SCO1: variants seen among roughly 807,000 people sequenced by gnomAD.
SCO1 encodes the protein synthesis of cytochrome C oxidase 1.
Under a neutral mutation model 34.0 loss-of-function variants are expected in SCO1, and 23 were observed. The ratio of observed to expected loss-of-function variants is 0.68; its 90% CI spans 0.49 to 0.96. The LOEUF (loss-of-function observed/expected upper bound fraction) is 0.96. SCO1 is among the 40% of genes least tolerant of loss of function. The pLI is 0.00. For synonymous variants in SCO1, 161 were observed against 145.5 expected, an observed-to-expected ratio of 1.11 and a Z score of -0.77; for missense variants, 404 against 381.6, an observed-to-expected ratio of 1.06 and a Z score of -0.49.
chr17:10,677,767 T>C lies in SCO1; in HGVS notation c.*3352A>G, dbSNP rs1001388907. On this transcript the variant is annotated 3_prime_UTR_variant, in exon 6 of 6. Coordinates refer to ENST00000255390, the MANE Select transcript of SCO1 (RefSeq NM_004589.4). ...AAAATATTAATTCTATTGAAGAGTC[T>C]AGTGAAAACACTGTAACCCACCCAG... is the stretch of plus-strand genomic sequence containing the variant. The C allele has an allele frequency of 5.9e-5, 9 of 152,346 alleles. No homozygotes were observed. The East Asian group carries it at 1.7e-3, about 29-fold the overall frequency. 9.4% of individuals were successfully genotyped at this position (152,346 alleles called of 1,614,324 possible).
chr17:10,694,949 CAA>C (rs928209073), intron 2 of SCO1, among the ~76,000 whole-genome samples: 4 of 152,130 alleles, frequency 2.6e-5, no homozygotes, highest in African/African-American at 4.8e-5. Context: ...ATAATGTTAT[CAA>C]AAGAGACTCC....
chr17:10,682,083 CTTAGA>C (rs1406829154), intron 5 of SCO1, among the ~76,000 whole-genome samples: 1 of 152,136 alleles, frequency 6.6e-6, no homozygotes, highest in African/African-American at 2.4e-5. Flanking sequence ...CTAACTTTAA[CTTAGA>C]TTAGTCATCA....
Position 10,691,915 on chromosome 17 carries a change from G to A in SCO1, c.612C>T (p.Asp204=). Residue 204 remains aspartate, a synonymous_variant, in exon 4 of 6, where the codon GAC becomes GAT. Coordinates refer to ENST00000255390, the MANE Select transcript of SCO1 (RefSeq NM_004589.4). ...TGGCTTCTTTTGTGTCCCTCTCTGGGTCAATGCTGATGAAAAGTGGAGTTA... is the reference window on the plus strand; with the variant it reads ...TGGCTTCTTTTGTGTCCCTCTCTGGATCAATGCTGATGAAAAGTGGAGTTA... ...PDLTPLFISI[D]PERDTKEAIA... is the part of the protein sequence containing the mutation. The A allele has an allele frequency of 1.9e-6, 3 of 1,613,524 alleles. No homozygotes were observed. Among genetic ancestry groups the A allele is most frequent in the East Asian group, 2.2e-5 (1 of 44,874 alleles).
chr17:10,686,475 G>A (rs1346312214), intron 5 of SCO1, among the ~76,000 whole-genome samples: 2 of 151,258 alleles, frequency 1.3e-5, no homozygotes, highest in African/African-American at 2.4e-5. Context: ...CCAGCTACTC[G>A]GGAGGCTGAC....
intron 2 of SCO1, among the ~76,000 whole-genome samples, chr17:10,694,845 A>C (rs2074712085): frequency 6.6e-6 from 1 of 152,134 alleles, no homozygotes; most frequent in Admixed American, 6.5e-5. Flanking sequence ...TATTATGCCA[A>C]AGAGTCTCAT....
chr17:10,692,724 G>A (rs763958926), intron 3 of SCO1, 40 bp downstream of exon 3: 1 of 1,513,858 alleles, frequency 6.6e-7, no homozygotes, highest in Non-Finnish European at 9.2e-7. Flanking sequence ...GTAACATGAA[G>A]TAAACATATA....
chr17:10,676,455 G>C lies in SCO1; in HGVS notation c.*4664C>G, dbSNP rs1425018409. ...AGAGGCACATGCTGGGAATGGGCTG[G>C]GGTGGCAGTGGGTGGGGGGGTGCAG... is the stretch of plus-strand genomic sequence containing the variant. On this transcript the variant is annotated 3_prime_UTR_variant, in exon 6 of 6. Coordinates refer to ENST00000255390, the MANE Select transcript of SCO1 (RefSeq NM_004589.4). The C allele has an allele frequency of 1.3e-5, 2 of 152,298 alleles. No homozygotes were observed. The highest frequency in any genetic ancestry group is 3.9e-4 in the East Asian group (2 of 5,176). The allele number at this position is 152,298 out of a possible 1,614,324, so 9.4% of individuals were successfully genotyped here. A position where few individuals can be genotyped will look rare whatever the true frequency, so the allele number is the denominator to read the frequency against.
In SCO1 at chr17:10,692,091, C is replaced by T. The variant is rs111819367; in HGVS notation, c.563-127G>A. 1.5e-4 allele frequency: 111 copies of T among 723,584 alleles called. No individual in the cohort carries two copies. In the African/African-American group the frequency reaches 1.6e-3, roughly 10 times the overall value. The allele number at this position is 723,584 out of a possible 1,614,324, so 44.8% of individuals were successfully genotyped here. On this transcript the variant is annotated intron_variant, in intron 3 of 5. Coordinates refer to ENST00000255390, the MANE Select transcript of SCO1 (RefSeq NM_004589.4). ...TTTTGAAAGCAGATGGACATCTTAACATTCAGGTGAAGAGGAAGAGGACGG... is the reference window on the plus strand; with the variant it reads ...TTTTGAAAGCAGATGGACATCTTAATATTCAGGTGAAGAGGAAGAGGACGG...
At chr17:10,694,468 A>T (rs1332127815) in intron 2 of SCO1, among the ~76,000 whole-genome samples, 1 of 152,168 alleles carries the variant, frequency 6.6e-6, no homozygotes, top group Middle Eastern at 3.2e-3. Context: ...TACCCTGAAG[A>T]TTATCTGAAC....
intron 4 of SCO1, 52 bp from the exon 5 acceptor site, chr17:10,686,894 C>A (rs766248093): frequency 8.6e-7 from 1 of 1,161,338 alleles, no homozygotes; most frequent in Non-Finnish European, 1.3e-6. Flanking sequence ...GTAAAACAAC[C>A]ATCTCTACTT....
At chr17:10,696,778 G>C (rs1322952626) in intron 1 of SCO1, among the ~76,000 whole-genome samples, 2 of 149,648 alleles carry the variant, frequency 1.3e-5, no homozygotes, top group African/African-American at 4.9e-5. Context: ...ATTAGAACTC[G>C]AGAGAACCCC....
Position 10,691,908 on chromosome 17 carries a change from T to C in SCO1, c.619A>G (p.Arg207Gly). 1.2e-6 allele frequency: 2 copies of C among 1,613,516 alleles called. No individual in the cohort carries two copies. Among genetic ancestry groups the C allele is most frequent in the Middle Eastern group, 1.6e-4 (1 of 6,062 alleles). ...TPLFISIDPE[R>G]DTKEAIANYV... The stretch of plus-strand genomic sequence containing the variant: ...TTTGCGATGGCTTCTTTTGTGTCCC[T>C]CTCTGGGTCAATGCTGATGAAAAGT... Residue 207 changes from arginine (R) to glycine (G), a missense_variant, in exon 4 of 6, where the codon AGG becomes GGG. Coordinates refer to ENST00000255390, the MANE Select transcript of SCO1 (RefSeq NM_004589.4).
rs2074692983 is a variant in SCO1 at position 10,691,981 on chromosome 17, A to G, written c.563-17T>C. On this transcript the variant is annotated splice_polypyrimidine_tract_variant and intron_variant, in intron 3 of 5. Coordinates refer to ENST00000255390, the MANE Select transcript of SCO1 (RefSeq NM_004589.4). The stretch of plus-strand genomic sequence containing the variant: ...TAATGCTATCTGAAAGAGAGTTCCA[A>G]TTAGTCCGTATTCACACCCTAAGGG... 3 of 1,534,536 alleles carry G rather than the reference A, an allele frequency of 2.0e-6. No homozygotes were observed. Among genetic ancestry groups the G allele is most frequent in the Non-Finnish European group, 2.7e-6 (3 of 1,108,004 alleles).
Position 10,677,893 on chromosome 17 carries a change from A to T in SCO1, c.*3226T>A, listed in dbSNP as rs1225808934. On this transcript the variant is annotated 3_prime_UTR_variant, in exon 6 of 6. Transcript: ENST00000255390. ...GCACTTTGGGAGGCCGAGGCGGCGG[A>T]TCACCTGAGGTCGGGAGTTTGAGAC... The T allele has an allele frequency of 6.6e-6, 1 of 152,284 alleles. No individual in the cohort carries two copies. The highest frequency in any genetic ancestry group is 1.9e-4 in the East Asian group (1 of 5,190). The allele number at this position is 152,284 out of a possible 1,614,324, so 9.4% of individuals were successfully genotyped here.
chr17:10,674,430 A>C lies in SCO1; in HGVS notation c.*6689T>G, dbSNP rs1235080963. 1 of 275,282 alleles carries C rather than the reference A, an allele frequency of 3.6e-6. No individual in the cohort carries two copies. The highest frequency in any genetic ancestry group is 1.4e-4 in the East Asian group (1 of 7,232). The allele number at this position is 275,282 out of a possible 1,614,324, so 17.1% of individuals were successfully genotyped here. A position where few individuals can be genotyped will look rare whatever the true frequency, so the allele number is the denominator to read the frequency against. On this transcript the variant is annotated 3_prime_UTR_variant, in exon 6 of 6. Transcript: ENST00000255390. ...AACAAGAGCGAAACTCCATCTCAAA[A>C]CAAACAAACAAACAAACAAAAAAAC...
At chr17:10,682,093 T>G (rs916200574) in intron 5 of SCO1, among the ~76,000 whole-genome samples, 1 of 152,166 alleles carries the variant, frequency 6.6e-6, no homozygotes, top group African/African-American at 2.4e-5. Context: ...CTTAGATTAG[T>G]CATCAGATTT....
At chr17:10,692,039 G>T in intron 3 of SCO1, 75 bp from the exon 4 acceptor site, 1 of 1,026,144 alleles carries the variant, frequency 9.7e-7, no homozygotes, top group Non-Finnish European at 1.5e-6. Context: ...TAACAGGAGA[G>T]TATAGGACGT....
rs114957753 is a variant in SCO1 at position 10,685,289 on chromosome 17, C to T, written c.771+1438G>A. On this transcript the variant is annotated intron_variant, in intron 5 of 5. Coordinates refer to ENST00000255390, the MANE Select transcript of SCO1 (RefSeq NM_004589.4). ...AGAAAGGCTCTTAGGATTACTCTGC[C>T]CAAACAATATTATAGAAAAAACAGA... Among the ~76,000 whole-genome samples the T allele has an allele frequency of 5.9e-3, 901 of 152,080 alleles. 5 individuals are homozygous for T. Among genetic ancestry groups the T allele is most frequent in the African/African-American group, 0.019 (808 of 41,480 alleles).
Position 10,674,460 on chromosome 17 carries a change from T to C in SCO1, c.*6659A>G. On this transcript the variant is annotated 3_prime_UTR_variant, in exon 6 of 6. Transcript: ENST00000255390. ...CAAACAAACAAACAAAAAAACAGACTGTGATTGAGGAGAGCTGGAGTGGAG... is the reference window on the plus strand; with the variant it reads ...CAAACAAACAAACAAAAAAACAGACCGTGATTGAGGAGAGCTGGAGTGGAG... 3.5e-6 allele frequency: 1 copy of C among 283,576 alleles called. No homozygotes were observed. Among genetic ancestry groups the C allele is most frequent in the Non-Finnish European group, 6.9e-6 (1 of 144,296 alleles). 17.6% of individuals were successfully genotyped at this position (283,576 alleles called of 1,614,324 possible).
Sources: allele counts gnomAD v4.1 joint callset (sites outside exome capture counted in the v4.1 genomes callset), GRCh38; gene constraint gnomAD v4.1.1; transcripts MANE v1.5; gene names NCBI Gene and HGNC (gene_info 2026-07-23, HGNC 2026-07-21).